The following REPS1 variants were observed in gnomAD, a reference collection of about 807,000 sequenced individuals.
REPS1 encodes ralBP1-associated Eps domain-containing protein 1.
Under a neutral mutation model 100.9 loss-of-function variants are expected in REPS1, and 39 were observed. The observed-to-expected ratio is 0.39, with a 90% confidence interval of 0.30 to 0.50. REPS1 has a LOEUF of 0.50. REPS1 is among the 20% of genes least tolerant of loss of function. REPS1 has a pLI of 0.86. For missense variants in REPS1, 821 were observed against 968.5 expected (o/e 0.85, Z 2.02); for synonymous variants, 324 against 340.3 (o/e 0.95, Z 0.53).
chr6:138,987,347 C>A (rs1057075394), intron 1 of REPS1, among the ~76,000 whole-genome samples, 183 bp downstream of exon 1: 1 of 152,168 alleles, frequency 6.6e-6, no homozygotes, highest in African/African-American at 2.4e-5. Flanking sequence ...TAAGGGCAAC[C>A]CCCTCCCCCT....
intron 12 of REPS1, 35 bp downstream of exon 12, chr6:138,920,180 T>TA: frequency 9.0e-7 from 1 of 1,114,924 alleles, no homozygotes; most frequent in Non-Finnish European, 1.4e-6. Flanking sequence ...CCAGACTTAG[T>TA]AAACTTCAAA....
Position 138,904,562 on chromosome 6 carries a change from T to C in REPS1, c.*502A>G, listed in dbSNP as rs1395553484. ...TGTACCACATGATTTGTGAAGAATG[T>C]AGACGGCTGCAGAGAGTAAATTAGC... On this transcript the variant is annotated 3_prime_UTR_variant, in exon 20 of 20. Transcript: ENST00000450536. The C allele has an allele frequency of 6.6e-6, 1 of 152,290 alleles. No individual in the cohort carries two copies. The highest frequency in any genetic ancestry group is 1.5e-5 in the Non-Finnish European group (1 of 68,080). The allele number at this position is 152,290 out of a possible 1,614,324, so 9.4% of individuals were successfully genotyped here.
At chr6:138,958,087 A>G (rs148361857) in intron 1 of REPS1, among the ~76,000 whole-genome samples, 126 of 152,338 alleles carry the variant, frequency 8.3e-4, no homozygotes, top group African/African-American at 2.8e-3. Flanking sequence ...GGTAACAGAG[A>G]ACCTGACATA....
At chr6:138,925,212 C>G (rs1300812866) in intron 10 of REPS1, among the ~76,000 whole-genome samples, 3 of 151,404 alleles carry the variant, frequency 2.0e-5, no homozygotes, top group African/African-American at 7.3e-5. Flanking sequence ...CACACACACA[C>G]ACAAATTAGC....
chr6:138,926,014 A>G lies in REPS1; in HGVS notation c.1338+387T>C, dbSNP rs1016376118. ...CAAAATAAAAGATGACATTGCATAA[A>G]TAGTTACATATGTAGGACATATTAC... On this transcript the variant is annotated intron_variant, in intron 10 of 19. Coordinates refer to ENST00000450536, the MANE Select transcript of REPS1 (RefSeq NM_001286611.2). Among the ~76,000 whole-genome samples the G allele has an allele frequency of 3.0e-4, 45 of 152,216 alleles. 1 individual carries two copies. The highest frequency in any genetic ancestry group is 3.2e-4 in the Non-Finnish European group (22 of 68,034).
At chr6:138,977,609 T>C (rs1009807444) in intron 1 of REPS1, among the ~76,000 whole-genome samples, 3 of 152,254 alleles carry the variant, frequency 2.0e-5, no homozygotes, top group South Asian at 4.1e-4. Context: ...TTCTTTTTTA[T>C]TGCAGAATAG....
At chr6:138,951,024 C>CG (rs1267097496) in intron 1 of REPS1, 1 of 152,110 alleles carries the variant, frequency 6.6e-6, no homozygotes, top group African/African-American at 2.4e-5. Context: ...CCCGTCTCTA[C>CG]TAAAAATACA....
intron 19 of REPS1, among the ~76,000 whole-genome samples, chr6:138,906,393 T>G (rs1212985): frequency 0.36 from 55,408 of 152,096 alleles, 11,915 homozygotes; most frequent in Admixed American, 0.51. Flanking sequence ...GGTCATAAGT[T>G]TATCTAGGAC....
chr6:138,950,671 T>C (rs1309898857), intron 1 of REPS1, among the ~76,000 whole-genome samples: 1 of 152,216 alleles, frequency 6.6e-6, no homozygotes, highest in African/African-American at 2.4e-5. Context: ...AAACATCTGA[T>C]AGGATTAGTC....
At chr6:138,929,155 A>G (rs924618734) in intron 9 of REPS1, 1 of 152,244 alleles carries the variant, frequency 6.6e-6, no homozygotes, top group Non-Finnish European at 1.5e-5. Context: ...TGCTACAAAA[A>G]GAAAAAAAAT....
chr6:138,949,693 T>TC (rs770410641), intron 1 of REPS1, among the ~76,000 whole-genome samples: 18 of 151,072 alleles, frequency 1.2e-4, no homozygotes, highest in Non-Finnish European at 2.1e-4. Context: ...GCCACTGCCC[T>TC]CCAGACTGGG....
chr6:138,906,867 A>C (rs970148703), intron 19 of REPS1, among the ~76,000 whole-genome samples: 1 of 152,224 alleles, frequency 6.6e-6, no homozygotes, highest in African/African-American at 2.4e-5. Flanking sequence ...GGTTTGTAAG[A>C]CATGAGTACC....
intron 1 of REPS1, among the ~76,000 whole-genome samples, chr6:138,978,997 A>G (rs1333359592): frequency 6.6e-6 from 1 of 152,058 alleles, no homozygotes; most frequent in Non-Finnish European, 1.5e-5. Context: ...CCTGGCCAAC[A>G]TGGTGAAACC....
At chr6:138,943,389 T>C (rs997601024) in intron 7 of REPS1, 124 bp downstream of exon 7, 3 of 566,420 alleles carry the variant, frequency 5.3e-6, no homozygotes, top group African/African-American at 3.7e-5. Flanking sequence ...TGTAAGGCAA[T>C]ACTGAGTTCT....
chr6:138,987,450 G>A (rs1785336193), intron 1 of REPS1, 80 bp downstream of exon 1: 2 of 1,344,196 alleles, frequency 1.5e-6, no homozygotes, highest in East Asian at 5.8e-5. Flanking sequence ...CGGGCCCCAA[G>A]GAATCGGCGC....
At chr6:138,905,502 A>G (rs2698736) in intron 19 of REPS1, among the ~76,000 whole-genome samples, 60,466 of 139,638 alleles carry the variant, frequency 0.43, 13,749 homozygotes, top group Admixed American at 0.52. Context: ...CTTGTTAGCC[A>G]GGATGGTCTC....
chr6:138,933,887 G>A (rs935666111), intron 8 of REPS1, among the ~76,000 whole-genome samples: 2 of 151,866 alleles, frequency 1.3e-5, no homozygotes, highest in South Asian at 2.1e-4. Context: ...ATGCCTAAAG[G>A]GGTCTTAAGA....
chr6:138,916,169 G>T, intron 13 of REPS1, 193 bp from the exon 14 acceptor site: 28 of 411,796 alleles, frequency 6.8e-5, no homozygotes, highest in South Asian at 2.2e-4. Context: ...ATTATTTTAT[G>T]TGGCTAACAA....
intron 8 of REPS1, among the ~76,000 whole-genome samples, chr6:138,936,603 G>A (rs1188888): frequency 0.39 from 47,986 of 124,138 alleles, 10,451 homozygotes; most frequent in Admixed American, 0.54. Context: ...GGGGGAGACA[G>A]ACAGGGACAG....
Sources: allele counts gnomAD v4.1 joint callset (sites outside exome capture counted in the v4.1 genomes callset), GRCh38; gene constraint gnomAD v4.1.1; transcripts MANE v1.5; gene names NCBI Gene and HGNC (gene_info 2026-07-23, HGNC 2026-07-21).